The following DPP10 variants were observed in gnomAD, a reference collection of about 807,000 sequenced individuals.
DPP10 encodes the protein dipeptidyl peptidase like 10.
DPP10 carries 33 observed loss-of-function variants against 120.9 expected under a neutral mutation model. The ratio of observed to expected loss-of-function variants is 0.27; its 90% CI spans 0.21 to 0.37. The LOEUF (loss-of-function observed/expected upper bound fraction) is 0.37, where lower values mean the gene tolerates loss of function less well. Among genes scored for constraint, DPP10 ranks in the 10% least tolerant of loss-of-function variants. DPP10 has a pLI of 1.00. For missense variants in DPP10, 816 were observed against 942.8 expected, an observed-to-expected ratio of 0.87 and a Z score of 1.76; for synonymous variants, 337 against 326.1, an observed-to-expected ratio of 1.03 and a Z score of -0.36.
chr2:114,786,120 A>G (rs569010598), intron 1 of DPP10, among the ~76,000 whole-genome samples: 2 of 152,332 alleles, frequency 1.3e-5, no homozygotes, highest in South Asian at 2.1e-4. Context: ...TCTTCTTTCT[A>G]GCAAAACTTA....
chr2:115,051,743 T>C (rs1228633268), intron 1 of DPP10, among the ~76,000 whole-genome samples: 2 of 152,152 alleles, frequency 1.3e-5, no homozygotes, highest in Non-Finnish European at 2.9e-5. Flanking sequence ...GAATAAGCTC[T>C]AGAGATGTAG....
chr2:115,456,345 CT>C (rs2073541526), intron 3 of DPP10, among the ~76,000 whole-genome samples: 1 of 152,142 alleles, frequency 6.6e-6, no homozygotes, highest in Non-Finnish European at 1.5e-5. Context: ...AATAGGAATG[CT>C]TTTACGCTGT....
At chr2:114,466,679 C>T (rs867169923) in intron 1 of DPP10, among the ~76,000 whole-genome samples, 1 of 152,114 alleles carries the variant, frequency 6.6e-6, no homozygotes, top group African/African-American at 2.4e-5. Context: ...CACTAAGCAC[C>T]AGCGAATGTG....
At chr2:114,740,945 G>GAATTT (rs1491151735) in intron 1 of DPP10, among the ~76,000 whole-genome samples, 2 of 152,260 alleles carry the variant, frequency 1.3e-5, no homozygotes, top group East Asian at 3.9e-4. Context: ...GAAATCTGTT[G>GAATTT]AGAGTTCCAA....
At chr2:115,687,421 A>G (rs565250058) in intron 5 of DPP10, among the ~76,000 whole-genome samples, 14 of 152,168 alleles carry the variant, frequency 9.2e-5, no homozygotes, top group African/African-American at 3.4e-4. Context: ...CTAAACTCAG[A>G]GTAAAGGGCT....
At chr2:115,237,221 T>A (rs950955187) in intron 1 of DPP10, among the ~76,000 whole-genome samples, 1 of 150,914 alleles carries the variant, frequency 6.6e-6, no homozygotes, top group African/African-American at 2.4e-5. Flanking sequence ...TTTTGGGAAA[T>A]CTCAGAATAT....
At chr2:115,610,816 G>T (rs1446020515) in intron 5 of DPP10, among the ~76,000 whole-genome samples, 2 of 152,064 alleles carry the variant, frequency 1.3e-5, no homozygotes, top group Non-Finnish European at 2.9e-5. Flanking sequence ...ACTTGGAATT[G>T]GCTTTTTGTA....
chr2:115,051,375 T>TA (rs35972290), intron 1 of DPP10, among the ~76,000 whole-genome samples: 11 of 150,010 alleles, frequency 7.3e-5, no homozygotes, highest in African/African-American at 2.7e-4. Context: ...TTTAAGGTAC[T>TA]AAAAAAAAAA....
intron 1 of DPP10, among the ~76,000 whole-genome samples, chr2:114,769,259 CTGTT>C (rs1574144655): frequency 6.6e-6 from 1 of 152,220 alleles, no homozygotes; most frequent in African/African-American, 2.4e-5. Context: ...TGCTTGATAA[CTGTT>C]TGAATTCTCT....
chr2:114,802,687 G>C (rs1452928900), intron 1 of DPP10, among the ~76,000 whole-genome samples: 1 of 152,116 alleles, frequency 6.6e-6, no homozygotes, highest in Non-Finnish European at 1.5e-5. Flanking sequence ...GAATTTGCTA[G>C]TTGCCTCATT....
intron 5 of DPP10, among the ~76,000 whole-genome samples, chr2:115,665,580 A>G (rs748149247): frequency 6.6e-6 from 1 of 152,204 alleles, no homozygotes; most frequent in Non-Finnish European, 1.5e-5. Flanking sequence ...TAGTGTTTCA[A>G]TGGATTGAGA....
chr2:114,890,956 T>C lies in DPP10; in HGVS notation c.61-418283T>C, dbSNP rs993719230. 2.6e-5 allele frequency among the ~76,000 whole-genome samples: 4 copies of C among 152,196 alleles called. No homozygotes were observed. The South Asian group carries it at 8.3e-4, about 32-fold the overall frequency. ...CAGGGTACAATATAGCCAAATGCTG[T>C]TGCTCCACATAGGAAAACACACCGA... On this transcript the variant is annotated intron_variant, in intron 1 of 25. Coordinates refer to ENST00000410059, the MANE Select transcript of DPP10 (RefSeq NM_020868.6).
chr2:114,740,402 A>G (rs570098540), intron 1 of DPP10, among the ~76,000 whole-genome samples: 10 of 146,928 alleles, frequency 6.8e-5, no homozygotes, highest in Non-Finnish European at 1.0e-4. Context: ...GATATACCTA[A>G]TGCTAAATGA....
At chr2:115,616,625 C>T (rs1475375175) in intron 5 of DPP10, among the ~76,000 whole-genome samples, 4 of 151,988 alleles carry the variant, frequency 2.6e-5, no homozygotes, top group African/African-American at 7.2e-5. Flanking sequence ...GTCTTGGTAG[C>T]TTTTGACAAA....
At chr2:115,408,421 T>G (rs2068692794) in intron 3 of DPP10, among the ~76,000 whole-genome samples, 1 of 152,132 alleles carries the variant, frequency 6.6e-6, no homozygotes, top group Non-Finnish European at 1.5e-5. Flanking sequence ...GAAGGTGGGC[T>G]TTTGCTGGGG....
intron 1 of DPP10, among the ~76,000 whole-genome samples, chr2:114,773,878 A>G (rs1681487172): frequency 6.6e-6 from 1 of 152,112 alleles, no homozygotes; most frequent in Admixed American, 6.5e-5. Flanking sequence ...CTGCTAGTGA[A>G]CAAAAAAATA....
intron 1 of DPP10, among the ~76,000 whole-genome samples, chr2:114,829,268 C>T (rs946090578): frequency 2.1e-4 from 31 of 151,080 alleles, no homozygotes; most frequent in South Asian, 4.2e-4. Flanking sequence ...CCAGCCTGGG[C>T]GACAGAGTGA....
chr2:115,676,621 C>T (rs567867996), intron 5 of DPP10, among the ~76,000 whole-genome samples: 146 of 151,984 alleles, frequency 9.6e-4, no homozygotes, highest in Non-Finnish European at 1.6e-3. Context: ...TACAGACAGG[C>T]CTTTTGAGAT....
chr2:114,615,652 T>C (rs1486921580), intron 1 of DPP10, among the ~76,000 whole-genome samples: 2 of 152,176 alleles, frequency 1.3e-5, no homozygotes, highest in Admixed American at 1.3e-4. Flanking sequence ...ATGTTTGATT[T>C]ACTGGTTAGC....
Sources: gnomAD v4.1 joint callset for allele counts (sites outside exome capture counted in the v4.1 genomes callset) on GRCh38, gnomAD v4.1.1 for gene constraint, MANE v1.5 for transcripts, NCBI Gene and HGNC (gene_info 2026-07-23, HGNC 2026-07-21) for gene names.